PCNT: variants seen among roughly 807,000 people sequenced by gnomAD.
PCNT encodes the protein pericentrin.
Under a neutral mutation model 380.4 loss-of-function variants are expected in PCNT, and 319 were observed. The observed-to-expected ratio is 0.84, with a 90% confidence interval of 0.77 to 0.92. The LOEUF (loss-of-function observed/expected upper bound fraction) is 0.92, where lower values mean the gene tolerates loss of function less well. Among genes scored for constraint, PCNT ranks in the 40% least tolerant of loss-of-function variants. The probability of loss-of-function intolerance (pLI) is 0.00; values close to 1 mark genes in which losing one functional copy is unlikely to be tolerated. For synonymous variants in PCNT, 1,845 were observed against 1,735.2 expected (o/e 1.06, Z -1.57); for missense variants, 4,400 against 4,255.3 (o/e 1.03, Z -0.95).
rs1569252627 is a variant in PCNT, at chr21:46,399,271, C to CTAGGTCTCCCTGTGCAGCCTG, written c.4585-318_4585-317insAGGTCTCCCTGTGCAGCCTGT. Among the ~76,000 whole-genome samples the CTAGGTCTCCCTGTGCAGCCTG allele has an allele frequency of 3.0e-4, 45 of 149,720 alleles. 3 individuals are homozygous for CTAGGTCTCCCTGTGCAGCCTG. Among genetic ancestry groups the CTAGGTCTCCCTGTGCAGCCTG allele is most frequent in the South Asian group, 1.8e-3 (8 of 4,564 alleles). On this transcript the variant is annotated intron_variant, in intron 24 of 46. Transcript: ENST00000359568. ...AGGTCTCCCTGTGCAGCCTGTGGGT[C>CTAGGTCTCCCTGTGCAGCCTG]TGGGTCTCTGTTCAGCCTGTGAGTC...
At chr21:46,430,767 G>A in intron 37 of PCNT, 110 bp downstream of exon 37, 5 of 1,537,740 alleles carry the variant, frequency 3.3e-6, no homozygotes, top group Non-Finnish European at 3.5e-6. Context: ...AGTGCACCCA[G>A]TTGACAGCAG....
Position 46,436,021 on chromosome 21 carries a change from G to A in PCNT, c.8869G>A (p.Ala2957Thr). 6.2e-7 allele frequency: 1 copy of A among 1,614,080 alleles called. No individual in the cohort carries two copies. The highest frequency in any genetic ancestry group is 8.5e-7 in the Non-Finnish European group (1 of 1,180,004). The change falls in exon 39 of 47, where the codon GCC becomes ACC. Residue 2957 changes from alanine (A) to threonine (T), a missense_variant. Transcript: ENST00000359568. The stretch of plus-strand genomic sequence containing the variant: ...TGGCAGCCGCCTCCACCTAGGTTCT[G>A]CCCGCAGGGCTGCCGGCTCGGATGC... ...VPGSRLHLGS[A>T]RRAAGSDADH...
chr21:46,377,762 A>G (rs2085375744), intron 15 of PCNT, among the ~76,000 whole-genome samples: 1 of 152,210 alleles, frequency 6.6e-6, no homozygotes, highest in Non-Finnish European at 1.5e-5. Context: ...TGGGAGGACC[A>G]CTGGAGCCCA....
At chr21:46,431,492 G>T in intron 37 of PCNT, 37 bp from the exon 38 acceptor site, 2 of 1,613,716 alleles carry the variant, frequency 1.2e-6, no homozygotes, top group South Asian at 2.2e-5. Context: ...TTTTCCTCTT[G>T]ATTCAGTGTC....
intron 29 of PCNT, among the ~76,000 whole-genome samples, chr21:46,413,439 C>G (rs1284399032): frequency 6.6e-6 from 1 of 152,226 alleles, no homozygotes; most frequent in Non-Finnish European, 1.5e-5. Context: ...GGCGGGTATT[C>G]TGCTGAGGTG....
intron 3 of PCNT, among the ~76,000 whole-genome samples, chr21:46,341,151 G>A (rs1442363839): frequency 6.6e-6 from 1 of 152,216 alleles, no homozygotes; most frequent in Non-Finnish European, 1.5e-5. Context: ...CCAAAGTGAG[G>A]GGGTTACAGG....
intron 16 of PCNT, 143 bp downstream of exon 16, chr21:46,381,983 GCA>G: frequency 1.2e-6 from 1 of 830,044 alleles, no homozygotes; most frequent in Non-Finnish European, 1.9e-6. Flanking sequence ...TGGCGGAAGC[GCA>G]TTCACAGTGT....
chr21:46,364,541 T>G (rs1450409732), intron 14 of PCNT, among the ~76,000 whole-genome samples: 1 of 152,276 alleles, frequency 6.6e-6, no homozygotes, highest in Non-Finnish European at 1.5e-5. Context: ...ACATGGAGTT[T>G]ATCCACTAAG....
intron 29 of PCNT, among the ~76,000 whole-genome samples, chr21:46,413,276 G>GGTGC (rs1569272597): frequency 8.4e-6 from 1 of 118,808 alleles, no homozygotes; most frequent in East Asian, 2.2e-4. Flanking sequence ...GGAGAGGCTG[G>GGTGC]ACACGCGGCA....
intron 14 of PCNT, among the ~76,000 whole-genome samples, chr21:46,365,008 C>G (rs1854376886): frequency 6.6e-6 from 1 of 152,256 alleles, no homozygotes; most frequent in African/African-American, 2.4e-5. Context: ...GCTCCAGGCT[C>G]TTTGGCCTCC....
chr21:46,357,615 G>T (rs2084524260), intron 13 of PCNT, among the ~76,000 whole-genome samples: 1 of 152,122 alleles, frequency 6.6e-6, no homozygotes, highest in East Asian at 1.9e-4. Context: ...TTTTTGTAGA[G>T]ACAGGGTTTC....
chr21:46,336,030 G>A (rs1185408422), intron 3 of PCNT, among the ~76,000 whole-genome samples: 1 of 151,256 alleles, frequency 6.6e-6, no homozygotes. Flanking sequence ...AGGCTGGAGT[G>A]CAGTGGCGCG....
intron 15 of PCNT, among the ~76,000 whole-genome samples, chr21:46,379,988 C>CAG (rs2085459090): frequency 1.3e-5 from 2 of 152,066 alleles, no homozygotes; most frequent in South Asian, 4.2e-4. Flanking sequence ...CAGAAGATGT[C>CAG]AGAGCTTTCC....
chr21:46,370,193 G>A (rs953737453), intron 15 of PCNT, among the ~76,000 whole-genome samples: 4 of 151,654 alleles, frequency 2.6e-5, no homozygotes, highest in African/African-American at 7.3e-5. Context: ...CAGTGCACCT[G>A]GCCAGCGAGG....
rs199523613 is a variant in PCNT, at chr21:46,366,023, TATTC to T, written c.2610-555_2610-552del. Among the ~76,000 whole-genome samples the T allele has an allele frequency of 8.0e-3, 1,209 of 150,990 alleles. 17 individuals are homozygous for T. Among genetic ancestry groups the T allele is most frequent in the African/African-American group, 0.028 (1,140 of 41,254 alleles). On this transcript the variant is annotated intron_variant, in intron 14 of 46. Transcript: ENST00000359568. Reference sequence around the variant, plus strand: ...GGTTCTGTTCACTGCCGTGGGGTTCTATTCATTCACTGCCTTGGGGTTCTATTCA... The same window carrying T: ...GGTTCTGTTCACTGCCGTGGGGTTCTATTCACTGCCTTGGGGTTCTATTCA...
chr21:46,325,055 C>G (rs981275493), intron 1 of PCNT: 1 of 985,408 alleles, frequency 1.0e-6, no homozygotes, highest in Non-Finnish European at 1.2e-6. Flanking sequence ...CGTCTTTCTC[C>G]CGCCCCGGGT....
At chr21:46,346,049 T>A in intron 3 of PCNT, 79 bp from the exon 4 acceptor site, 2 of 1,357,286 alleles carry the variant, frequency 1.5e-6, no homozygotes, top group Non-Finnish European at 2.1e-6. Flanking sequence ...TGTGAGGACG[T>A]GCGTCGTCAG....
chr21:46,344,767 C>T (rs889115246), intron 3 of PCNT, among the ~76,000 whole-genome samples: 2 of 152,194 alleles, frequency 1.3e-5, no homozygotes, highest in South Asian at 2.1e-4. Flanking sequence ...GCTCAGGATC[C>T]GTGCCGACGG....
At chr21:46,351,719 G>C (rs1051780366) in intron 9 of PCNT, among the ~76,000 whole-genome samples, 179 bp downstream of exon 9, 24 of 152,336 alleles carry the variant, frequency 1.6e-4, no homozygotes, top group African/African-American at 5.8e-4. Flanking sequence ...TTGTGGGAGA[G>C]AGCCCTGGTT....
Sources: allele counts gnomAD v4.1 joint callset (sites outside exome capture counted in the v4.1 genomes callset), GRCh38; gene constraint gnomAD v4.1.1; transcripts MANE v1.5; gene names NCBI Gene and HGNC (gene_info 2026-07-23, HGNC 2026-07-21).